BRF1: variants seen among roughly 807,000 people sequenced by gnomAD.
BRF1 encodes the protein transcription factor IIIB 90 kDa subunit.
A neutral mutation model predicts 81.7 loss-of-function variants in BRF1; 59 were observed. The observed-to-expected ratio is 0.72, with a 90% CI of 0.59 to 0.90. The LOEUF is 0.90. Among genes scored for constraint, BRF1 ranks in the 40% least tolerant of loss-of-function variants. The probability of loss-of-function intolerance (pLI) is 0.00; values close to 1 mark genes in which losing one functional copy is unlikely to be tolerated. For missense variants in BRF1, 1,050 were observed against 936.3 expected (o/e 1.12, Z -1.58); for synonymous variants, 491 against 395.6 (o/e 1.24, Z -2.86).
intron 1 of BRF1, among the ~76,000 whole-genome samples, chr14:105,296,386 G>A (rs1024743960): frequency 3.3e-5 from 5 of 151,724 alleles, no homozygotes; most frequent in Admixed American, 6.6e-5. Context: ...GGTGCTGGGC[G>A]CCTGTAATCC....
intron 5 of BRF1, chr14:105,247,216 G>T (rs1428324188): frequency 2.0e-6 from 2 of 985,276 alleles, no homozygotes; most frequent in Non-Finnish European, 2.4e-6. Flanking sequence ...ACTTTCTCTC[G>T]GAACTTTCCG....
rs750860515 is a variant in BRF1 at position 105,252,567 on chromosome 14, C to A, written c.484G>T (p.Val162Leu). ...LSDLLQVNVY[V>L]LGKTFLLLAR... is the part of the protein sequence containing the mutation. ...AAGAGAAGAAACGTCTTTCCAAGCA[C>A]GTACACATTCACCTGAGATGGAGAG... The change falls in exon 5 of 18, where the codon GTG (valine) becomes TTG (leucine). Residue 162 changes from valine (V) to leucine (L), a missense_variant. Coordinates refer to ENST00000547530, the MANE Select transcript of BRF1 (RefSeq NM_001519.4). The A allele has an allele frequency of 6.2e-7, 1 of 1,613,728 alleles. No homozygotes were observed. Among genetic ancestry groups the A allele is most frequent in the Admixed American group, 1.7e-5 (1 of 59,936 alleles).
At chr14:105,215,795 C>T (rs1228680120) in intron 15 of BRF1, among the ~76,000 whole-genome samples, 1 of 149,482 alleles carries the variant, frequency 6.7e-6, no homozygotes, top group Non-Finnish European at 1.5e-5. Context: ...CACACATGCA[C>T]ACACACTGCA....
intron 10 of BRF1, among the ~76,000 whole-genome samples, chr14:105,224,290 A>G (rs1392637403): frequency 6.6e-6 from 1 of 152,196 alleles, no homozygotes; most frequent in Non-Finnish European, 1.5e-5. Flanking sequence ...AATTGCTTCA[A>G]ACTACAGGGT....
intron 2 of BRF1, among the ~76,000 whole-genome samples, chr14:105,282,744 C>T (rs587766676): frequency 6.6e-6 from 1 of 152,090 alleles, no homozygotes. Context: ...ATAAGCCTGG[C>T]CAACATGGCA....
chr14:105,262,169 C>T (rs954712279), intron 3 of BRF1, among the ~76,000 whole-genome samples: 2 of 152,206 alleles, frequency 1.3e-5, no homozygotes, highest in African/African-American at 4.8e-5. Context: ...GGGGCTATGA[C>T]GGATCCTAGC....
Position 105,226,306 on chromosome 14 carries a change from G to A in BRF1, c.916-16C>T, listed in dbSNP as rs905474670. ...CTTGTTCAAGCTGAAAGGGAACAGG[G>A]CAAGAGGCTTCGTGAAGGGAGGCCC... On this transcript the variant is annotated splice_polypyrimidine_tract_variant and intron_variant, in intron 8 of 17. Coordinates refer to ENST00000547530, the MANE Select transcript of BRF1 (RefSeq NM_001519.4). 6 of 1,613,828 alleles carry A rather than the reference G, an allele frequency of 3.7e-6. No homozygotes were observed. In the African/African-American group the frequency reaches 5.3e-5, roughly 14 times the overall value.
chr14:105,225,248 G>A (rs1387081099), intron 10 of BRF1, among the ~76,000 whole-genome samples: 1 of 152,168 alleles, frequency 6.6e-6, no homozygotes, highest in African/African-American at 2.4e-5. Flanking sequence ...TAACCCCCAA[G>A]TGAAAATACA....
At chr14:105,267,746 G>A (rs2056483946) in intron 3 of BRF1, among the ~76,000 whole-genome samples, 1 of 152,236 alleles carries the variant, frequency 6.6e-6, no homozygotes, top group Non-Finnish European at 1.5e-5. Flanking sequence ...AGGGAGAGGA[G>A]CAGGAACAAG....
At chr14:105,216,068 ACACACATG>A (rs1382849163) in intron 15 of BRF1, among the ~76,000 whole-genome samples, 3 of 152,166 alleles carry the variant, frequency 2.0e-5, no homozygotes, top group East Asian at 3.9e-4. Context: ...AGGCACACAC[ACACACATG>A]CACACAAATA....
chr14:105,256,199 A>T (rs918474584), intron 4 of BRF1: 352 of 1,532,022 alleles, frequency 2.3e-4, no homozygotes, highest in South Asian at 2.6e-4. Context: ...TCACAAAAAA[A>T]TTTTTTAATT....
chr14:105,257,411 C>T (rs937800380), intron 3 of BRF1, among the ~76,000 whole-genome samples: 1 of 152,180 alleles, frequency 6.6e-6, no homozygotes, highest in African/African-American at 2.4e-5. Context: ...AGGACGCCAG[C>T]CCACTCATCC....
At chr14:105,251,329 G>A (rs1003271366) in intron 5 of BRF1, among the ~76,000 whole-genome samples, 3 of 152,166 alleles carry the variant, frequency 2.0e-5, no homozygotes, top group African/African-American at 7.2e-5. Flanking sequence ...TGCATCACTA[G>A]CACCTCAGAG....
Position 105,211,192 on chromosome 14 carries a change from AGCCTCCTCGTCG to A in BRF1, c.1914_1925del (p.Ala642_Glu645del), listed in dbSNP as rs767335210. Reference sequence around the variant, plus strand: ...CCTCCTCGTCAGGCTCCTCCTCGTCAGCCTCCTCGTCGGCGTGGTATGACACGGGCCCGCTCT... The same window carrying A: ...CCTCCTCGTCAGGCTCCTCCTCGTCAGCGTGGTATGACACGGGCCCGCTCT... On this transcript the variant is annotated inframe_deletion, in exon 17 of 18. Coordinates refer to ENST00000547530, the MANE Select transcript of BRF1 (RefSeq NM_001519.4). The A allele has an allele frequency of 8.1e-6, 13 of 1,612,050 alleles. No individual in the cohort carries two copies. Among genetic ancestry groups the A allele is most frequent in the South Asian group, 1.1e-5 (1 of 91,058 alleles).
At position 105,249,511 on chromosome 14, in the gene BRF1, G is replaced by A. The variant is rs1225429546; in HGVS notation, c.544+2996C>T. On this transcript the variant is annotated intron_variant, in intron 5 of 17. Transcript: ENST00000547530. ...CACTCTACTGGGGAGGGACGGGTGG[G>A]TCCGTTTTAGGCGGCCTCCGGAGGC... 2.5e-6 allele frequency: 4 copies of A among 1,569,492 alleles called. 1 individual carries two copies. In the South Asian group the frequency reaches 3.3e-5, roughly 13 times the overall value.
chr14:105,262,102 C>CCA, intron 3 of BRF1, among the ~76,000 whole-genome samples: 1 of 152,356 alleles, frequency 6.6e-6, no homozygotes, highest in East Asian at 1.9e-4. Flanking sequence ...GACCAAGCAC[C>CCA]CACACAGGAG....
At chr14:105,268,686 A>T (rs1332171212) in intron 3 of BRF1, among the ~76,000 whole-genome samples, 2 of 152,194 alleles carry the variant, frequency 1.3e-5, no homozygotes, top group African/African-American at 4.8e-5. Context: ...ACGATACGAT[A>T]GGAGGATCCT....
chr14:105,313,806 G>GGCATCTGGTGCTGGACC (rs991705264), intron 1 of BRF1, among the ~76,000 whole-genome samples: 10 of 152,252 alleles, frequency 6.6e-5, no homozygotes, highest in Non-Finnish European at 1.2e-4. Flanking sequence ...ATCTCGGCTT[G>GGCATCTGGTGCTGGACC]GCATCTGGTG....
intron 1 of BRF1, among the ~76,000 whole-genome samples, chr14:105,311,509 C>A (rs140623059): frequency 0.02 from 2,995 of 152,284 alleles, 96 homozygotes; most frequent in African/African-American, 0.069. Flanking sequence ...TGCGCTTTGG[C>A]CTCCCAAAGT....
Sources: gnomAD v4.1 joint callset for allele counts (sites outside exome capture counted in the v4.1 genomes callset) on GRCh38, gnomAD v4.1.1 for gene constraint, MANE v1.5 for transcripts, NCBI Gene and HGNC (gene_info 2026-07-23, HGNC 2026-07-21) for gene names.